Variants in CALN1 observed in about 807,000 individuals in gnomAD.
CALN1 encodes the protein calcium-binding protein 8.
Under a neutral mutation model 30.6 loss-of-function variants are expected in CALN1, and 17 were observed. The ratio of observed to expected loss-of-function variants is 0.56; its 90% CI spans 0.38 to 0.83. CALN1 has a LOEUF of 0.83. Among genes scored for constraint, CALN1 ranks in the 40% least tolerant of loss-of-function variants. The pLI is 0.00. For synonymous variants in CALN1, 156 were observed against 131.4 expected, an observed-to-expected ratio of 1.19 and a Z score of -1.28; for missense variants, 291 against 354.9, an observed-to-expected ratio of 0.82 and a Z score of 1.45.
chr7:71,801,271 G>A (rs188851851), intron 6 of CALN1, among the ~76,000 whole-genome samples: 70 of 152,194 alleles, frequency 4.6e-4, no homozygotes, highest in Non-Finnish European at 6.6e-4. Flanking sequence ...GGAGTGAAGT[G>A]GTGCGACTGT....
intron 1 of CALN1, among the ~76,000 whole-genome samples, chr7:72,407,809 G>T (rs1806807126): frequency 6.6e-6 from 1 of 152,124 alleles, no homozygotes; most frequent in Non-Finnish European, 1.5e-5. Flanking sequence ...CTGGACACAG[G>T]GCCGGATGGA....
chr7:72,454,137 G>C, the CALN1 span, among the ~76,000 whole-genome samples: 3 of 152,114 alleles, frequency 2.0e-5, no homozygotes, highest in African/African-American at 7.2e-5. Context: ...TTTAGAACTT[G>C]GTTAGTGTAG....
At chr7:72,314,144 G>A (rs1800251246) in intron 2 of CALN1, among the ~76,000 whole-genome samples, 1 of 152,100 alleles carries the variant, frequency 6.6e-6, no homozygotes, top group Non-Finnish European at 1.5e-5. Context: ...GCAAGGAGGG[G>A]GAGCCAGTCT....
intron 3 of CALN1, among the ~76,000 whole-genome samples, chr7:72,118,522 C>T (rs985437028): frequency 2.6e-5 from 4 of 152,202 alleles, no homozygotes; most frequent in African/African-American, 7.2e-5. Flanking sequence ...TACACCTGGA[C>T]AGATTAAGCT....
At chr7:71,989,369 C>T (rs1454762808) in intron 5 of CALN1, among the ~76,000 whole-genome samples, 1 of 150,580 alleles carries the variant, frequency 6.6e-6, no homozygotes, top group Non-Finnish European at 1.5e-5. Flanking sequence ...AGCCAGGAGG[C>T]GGAGGTTTGC....
chr7:72,354,651 AGTTT>A, intron 2 of CALN1, among the ~76,000 whole-genome samples: 1 of 152,316 alleles, frequency 6.6e-6, no homozygotes, highest in South Asian at 2.1e-4. Context: ...GTGACCAATT[AGTTT>A]TTCACAAAGG....
At chr7:72,420,689 T>A (rs1807577165) in intron 1 of CALN1, among the ~76,000 whole-genome samples, 1 of 148,642 alleles carries the variant, frequency 6.7e-6, no homozygotes, top group Non-Finnish European at 1.5e-5. Context: ...AGTGGTGAGA[T>A]CTCAGCTCAC....
chr7:72,330,466 CAAAAAAAAAA>C (rs34819395), intron 2 of CALN1, among the ~76,000 whole-genome samples: 2 of 113,060 alleles, frequency 1.8e-5, no homozygotes, highest in African/African-American at 7.2e-5. Context: ...AGACTGTCTC[CAAAAAAAAAA>C]AAAAAAAAAA....
At chr7:71,899,875 T>G (rs922543748) in intron 5 of CALN1, among the ~76,000 whole-genome samples, 3 of 152,188 alleles carry the variant, frequency 2.0e-5, no homozygotes, top group African/African-American at 7.2e-5. Context: ...GAAATTCTCA[T>G]CACATAAATA....
chr7:72,124,124 C>T (rs1397973109), intron 3 of CALN1, among the ~76,000 whole-genome samples: 1 of 152,170 alleles, frequency 6.6e-6, no homozygotes, highest in African/African-American at 2.4e-5. Context: ...CGTATTTCCC[C>T]TAAAGAGACA....
chr7:72,011,154 A>C (rs1355877381), intron 5 of CALN1, among the ~76,000 whole-genome samples: 1 of 152,124 alleles, frequency 6.6e-6, no homozygotes, highest in African/African-American at 2.4e-5. Context: ...TCCGTCAAAA[A>C]AAAAAGAAAA....
At chr7:72,246,222 T>C (rs1454656821) in intron 3 of CALN1, among the ~76,000 whole-genome samples, 1 of 152,164 alleles carries the variant, frequency 6.6e-6, no homozygotes, top group Non-Finnish European at 1.5e-5. Context: ...AAACACCCCC[T>C]TTTTCCTCTC....
intron 3 of CALN1, among the ~76,000 whole-genome samples, chr7:72,188,713 A>T (rs915436776): frequency 3.9e-5 from 6 of 152,236 alleles, no homozygotes; most frequent in Non-Finnish European, 7.3e-5. Context: ...TAGAAAATTT[A>T]AAAATAATCA....
intron 6 of CALN1, among the ~76,000 whole-genome samples, chr7:71,799,281 C>G (rs1787157963): frequency 6.6e-6 from 1 of 152,098 alleles, no homozygotes; most frequent in Non-Finnish European, 1.5e-5. Context: ...AAAGGAGACT[C>G]TCAATATTTA....
intron 2 of CALN1, among the ~76,000 whole-genome samples, chr7:72,349,703 T>C (rs1027299911): frequency 6.6e-6 from 1 of 152,244 alleles, no homozygotes; most frequent in African/African-American, 2.4e-5. Flanking sequence ...ATGCTGAGCT[T>C]ATTTTCAAAT....
the CALN1 span, among the ~76,000 whole-genome samples, chr7:72,455,014 A>T: frequency 1.3e-5 from 2 of 152,032 alleles, no homozygotes; most frequent in Non-Finnish European, 1.5e-5. Context: ...TATTTTTGGT[A>T]GAGACAGGGT....
At chr7:72,128,316 G>A (rs1386205707) in intron 3 of CALN1, among the ~76,000 whole-genome samples, 1 of 152,100 alleles carries the variant, frequency 6.6e-6, no homozygotes, top group Non-Finnish European at 1.5e-5. Flanking sequence ...TATAACGAGT[G>A]ACACTTCAAA....
At chr7:71,975,895 G>C (rs1798078498) in intron 5 of CALN1, among the ~76,000 whole-genome samples, 1 of 149,710 alleles carries the variant, frequency 6.7e-6, no homozygotes, top group African/African-American at 2.5e-5. Context: ...TTAGGTTGGT[G>C]CCAAAGTAAT....
At chr7:72,369,040 C>G (rs1164997511) in intron 2 of CALN1, among the ~76,000 whole-genome samples, 1 of 151,376 alleles carries the variant, frequency 6.6e-6, no homozygotes, top group Non-Finnish European at 1.5e-5. Context: ...ATCTCGAACT[C>G]CTGACCTCAA....
Sources: gnomAD v4.1 joint callset for allele counts (sites outside exome capture counted in the v4.1 genomes callset) on GRCh38, gnomAD v4.1.1 for gene constraint, MANE v1.5 for transcripts, NCBI Gene and HGNC (gene_info 2026-07-23, HGNC 2026-07-21) for gene names.